Variants in SUPT3H observed in about 807,000 individuals in gnomAD.
The protein encoded by SUPT3H is transcription initiation protein SPT3 homolog.
In SUPT3H, 44 loss-of-function variants were observed where a neutral mutation model predicts 44.3. The ratio of observed to expected loss-of-function variants is 0.99; its 90% CI spans 0.78 to 1.28. The LOEUF (loss-of-function observed/expected upper bound fraction) is 1.28. Ranked by LOEUF, SUPT3H falls within the 50% of genes most tolerant of loss-of-function variation. The pLI is 0.00. For synonymous variants in SUPT3H, 124 were observed against 125.6 expected, an observed-to-expected ratio of 0.99 and a Z score of 0.09; for missense variants, 380 against 387.1, an observed-to-expected ratio of 0.98 and a Z score of 0.15.
At chr6:45,069,647 C>T (rs945503089) in intron 3 of SUPT3H, among the ~76,000 whole-genome samples, 2 of 152,118 alleles carry the variant, frequency 1.3e-5, no homozygotes, top group African/African-American at 4.8e-5. Flanking sequence ...AAAAGATTAA[C>T]TGCTTAAGCA....
chr6:44,935,323 T>C (rs1036929977), intron 9 of SUPT3H, among the ~76,000 whole-genome samples: 4 of 152,312 alleles, frequency 2.6e-5, no homozygotes, highest in East Asian at 1.9e-4. Flanking sequence ...TTCTTCAAAA[T>C]TGCTTCAGAA....
intron 2 of SUPT3H, among the ~76,000 whole-genome samples, chr6:45,356,437 A>G (rs936727586): frequency 1.3e-5 from 2 of 151,730 alleles, no homozygotes; most frequent in African/African-American, 4.8e-5. Flanking sequence ...TCACTCTGTC[A>G]CCCAGGCTGG....
chr6:45,162,822 A>C (rs893188664), intron 2 of SUPT3H, among the ~76,000 whole-genome samples: 5 of 152,216 alleles, frequency 3.3e-5, no homozygotes, highest in African/African-American at 1.2e-4. Context: ...TGAACTGTCT[A>C]TAATCAATGA....
At chr6:45,284,446 T>C (rs185113451) in intron 2 of SUPT3H, among the ~76,000 whole-genome samples, 3 of 152,212 alleles carry the variant, frequency 2.0e-5, no homozygotes, top group African/African-American at 7.2e-5. Flanking sequence ...CAAACTATCA[T>C]CAGAGAATAC....
At chr6:45,261,629 C>T (rs1453924151) in intron 2 of SUPT3H, among the ~76,000 whole-genome samples, 1 of 152,044 alleles carries the variant, frequency 6.6e-6, no homozygotes, top group African/African-American at 2.4e-5. Flanking sequence ...TCATACTGGA[C>T]AGGCAAAAGC....
chr6:44,984,060 A>C (rs1779450090), intron 6 of SUPT3H, among the ~76,000 whole-genome samples: 1 of 152,182 alleles, frequency 6.6e-6, no homozygotes, highest in Non-Finnish European at 1.5e-5. Context: ...AGAGGGTCTA[A>C]TCTAGTAAGG....
chr6:45,304,462 T>C (rs562113816), intron 2 of SUPT3H, among the ~76,000 whole-genome samples: 63 of 152,332 alleles, frequency 4.1e-4, no homozygotes, highest in African/African-American at 1.4e-3. Flanking sequence ...TTTATCGTTA[T>C]GTTTGGCATT....
chr6:45,020,621 A>G lies in SUPT3H; in HGVS notation c.198T>C (p.Ala66=), dbSNP rs1167201222. The G allele has an allele frequency of 1.2e-6, 2 of 1,610,020 alleles. No homozygotes were observed. The highest frequency in any genetic ancestry group is 1.3e-5 in the African/African-American group (1 of 74,762). The change falls in exon 4 of 11, where the codon GCT becomes GCC. Residue 66 remains alanine (A), a synonymous_variant. Transcript: ENST00000371459. The part of the protein sequence containing the change: ...HTQLINLLQQ[A]AEVSQLRGAR... Reference sequence around the variant, plus strand: ...CTCCCCGCAGCTGAGAAACTTCAGCAGCTTGCTGTAACTAACAATAATGAA... The same window carrying G: ...CTCCCCGCAGCTGAGAAACTTCAGCGGCTTGCTGTAACTAACAATAATGAA...
intron 2 of SUPT3H, among the ~76,000 whole-genome samples, chr6:45,219,444 AACG>A (rs1195180035): frequency 6.6e-6 from 1 of 151,978 alleles, no homozygotes; most frequent in Non-Finnish European, 1.5e-5. Context: ...GAATGAAAAA[AACG>A]ACATTACCAC....
chr6:45,175,455 A>G lies in SUPT3H; in HGVS notation c.102-69449T>C, dbSNP rs148568073. On this transcript the variant is annotated intron_variant, in intron 2 of 10. Transcript: ENST00000371459. Reference sequence around the variant, plus strand: ...GAACAGCATGGGGGAAACTGCCCCCATGATTCAATTACCTCCACCTGGTCT... The same window carrying G: ...GAACAGCATGGGGGAAACTGCCCCCGTGATTCAATTACCTCCACCTGGTCT... Among the ~76,000 whole-genome samples the G allele has an allele frequency of 1.5e-3, 232 of 152,274 alleles. 3 individuals carry two copies. Among genetic ancestry groups the G allele is most frequent in the African/African-American group, 5.4e-3 (226 of 41,556 alleles).
chr6:45,360,729 T>C (rs1179282150), intron 2 of SUPT3H, among the ~76,000 whole-genome samples: 1 of 152,128 alleles, frequency 6.6e-6, no homozygotes, highest in South Asian at 2.1e-4. Context: ...ACTGAGAAAA[T>C]TGTTAGTTCA....
chr6:45,176,739 G>A (rs1424751192), intron 2 of SUPT3H, among the ~76,000 whole-genome samples: 1 of 152,232 alleles, frequency 6.6e-6, no homozygotes, highest in African/African-American at 2.4e-5. Flanking sequence ...AGAACAGGCA[G>A]ACTGCCTCCT....
chr6:45,123,983 GAACAAAAA>G (rs1178301625), intron 2 of SUPT3H, among the ~76,000 whole-genome samples: 22 of 152,076 alleles, frequency 1.4e-4, no homozygotes, highest in Non-Finnish European at 2.8e-4. Flanking sequence ...ACAGGCTGCT[GAACAAAAA>G]CAGGGAGCTA....
At chr6:44,831,396 G>GAACA (rs1479734815) in intron 10 of SUPT3H, among the ~76,000 whole-genome samples, 1 of 152,168 alleles carries the variant, frequency 6.6e-6, no homozygotes, top group Non-Finnish European at 1.5e-5. Flanking sequence ...TTGCGCTATA[G>GAACA]AACAGTGTTA....
At chr6:45,105,738 C>T (rs571100837) in intron 3 of SUPT3H, among the ~76,000 whole-genome samples, 184 bp downstream of exon 3, 1 of 151,990 alleles carries the variant, frequency 6.6e-6, no homozygotes, top group Non-Finnish European at 1.5e-5. Context: ...TTATAATATT[C>T]CATTGTTGAG....
intron 10 of SUPT3H, among the ~76,000 whole-genome samples, chr6:44,839,991 C>T (rs1324404998): frequency 2.0e-5 from 3 of 152,186 alleles, no homozygotes; most frequent in Admixed American, 2.0e-4. Flanking sequence ...TGAGCCACCG[C>T]ACCCAGCCCA....
chr6:45,156,321 T>TA (rs1271562661), intron 2 of SUPT3H, among the ~76,000 whole-genome samples: 3 of 152,178 alleles, frequency 2.0e-5, no homozygotes, highest in Non-Finnish European at 4.4e-5. Flanking sequence ...TTCAGTCTCC[T>TA]AAGGTCATGC....
intron 3 of SUPT3H, among the ~76,000 whole-genome samples, chr6:45,089,920 A>T (rs534956811): frequency 6.6e-6 from 1 of 152,126 alleles, no homozygotes; most frequent in South Asian, 2.1e-4. Flanking sequence ...ATTACATACA[A>T]ATTACTCAGT....
At chr6:44,896,650 C>A (rs1280684958) in intron 10 of SUPT3H, among the ~76,000 whole-genome samples, 1 of 152,130 alleles carries the variant, frequency 6.6e-6, no homozygotes, top group Admixed American at 6.5e-5. Context: ...GGTTCTTATT[C>A]CTGTGCTTTT....
Sources: allele counts gnomAD v4.1 joint callset (sites outside exome capture counted in the v4.1 genomes callset), GRCh38; gene constraint gnomAD v4.1.1; transcripts MANE v1.5; gene names NCBI Gene and HGNC (gene_info 2026-07-23, HGNC 2026-07-21).